Variants in ATP13A4 observed in about 807,000 individuals in gnomAD.
The protein encoded by ATP13A4 is ATPase 13A4.
ATP13A4 carries 114 observed loss-of-function variants against 142.5 expected under a neutral mutation model. That is an observed-to-expected ratio of 0.80 (90% CI 0.69 to 0.93). The LOEUF is 0.93. Ranked by LOEUF, ATP13A4 falls within the 40% of genes least tolerant of loss-of-function variation. The pLI, the probability that ATP13A4 is intolerant of heterozygous loss-of-function variation, is 0.00. For missense variants in ATP13A4, 1,392 were observed against 1,454.0 expected (o/e 0.96, Z 0.69); for synonymous variants, 488 against 514.8 (o/e 0.95, Z 0.70).
intron 7 of ATP13A4, 88 bp from the exon 8 acceptor site, chr3:193,484,093 A>T: frequency 3.6e-6 from 4 of 1,120,852 alleles, no homozygotes; most frequent in Non-Finnish European, 5.4e-6. Flanking sequence ...TTAAAGATAG[A>T]GCACTGTCTT....
Position 193,514,849 on chromosome 3 carries a change from T to G in ATP13A4, c.83A>C (p.Gln28Pro). The G allele has an allele frequency of 6.2e-7, 1 of 1,614,178 alleles. No individual in the cohort carries two copies. Among genetic ancestry groups the G allele is most frequent in the Non-Finnish European group, 8.5e-7 (1 of 1,180,014 alleles). ...NEMEIFGYRT[Q>P]GCRKSLCLAG... The stretch of plus-strand genomic sequence containing the variant: ...AAGGCAGAGACTTTTCCGGCAGCCT[T>G]GAGTCCGATAGCCAAATATCTCCTG... Residue 28 changes from glutamine to proline, a missense_variant, in exon 2 of 30, where the codon CAA becomes CCA. Coordinates refer to ENST00000342695, the MANE Select transcript of ATP13A4 (RefSeq NM_032279.4).
chr3:193,438,969 G>A, intron 22 of ATP13A4, 54 bp downstream of exon 22: 1 of 1,522,898 alleles, frequency 6.6e-7, no homozygotes, highest in Non-Finnish European at 9.1e-7. Context: ...ACTCTAAAGG[G>A]CTTAAGTGTA....
intron 1 of ATP13A4, among the ~76,000 whole-genome samples, chr3:193,521,048 C>T (rs990895928): frequency 5.3e-5 from 8 of 152,252 alleles, no homozygotes; most frequent in Admixed American, 2.6e-4. Context: ...ACCAAGGCAA[C>T]GATCGTAAAA....
rs373301519 is a variant in ATP13A4, at chr3:193,403,740, T to C, written c.3379-876A>G. ...TATAATTCATGAGAGGTTATCATAT[T>C]AATTTTCCACTTTTATCATGTTTGC... On this transcript the variant is annotated intron_variant, in intron 29 of 29. Coordinates refer to ENST00000342695, the MANE Select transcript of ATP13A4 (RefSeq NM_032279.4). 70 of 981,422 alleles carry C rather than the reference T, an allele frequency of 7.1e-5. No homozygotes were observed. In the East Asian group the frequency reaches 2.5e-3, roughly 35 times the overall value. 60.8% of individuals were successfully genotyped at this position (981,422 alleles called of 1,614,324 possible).
chr3:193,581,015 A>G (rs951314927), intron 2 of ATP13A4, among the ~76,000 whole-genome samples: 1 of 152,210 alleles, frequency 6.6e-6, no homozygotes, highest in African/African-American at 2.4e-5. Flanking sequence ...CATTACTATC[A>G]ATCCTATCTA....
At chr3:193,464,074 T>C (rs1718120197) in intron 12 of ATP13A4, among the ~76,000 whole-genome samples, 1 of 152,370 alleles carries the variant, frequency 6.6e-6, no homozygotes, top group African/African-American at 2.4e-5. Context: ...TTTTATGTTA[T>C]GTGTATTTTA....
At chr3:193,541,354 TTATC>T (rs1266298865) in intron 1 of ATP13A4, among the ~76,000 whole-genome samples, 2 of 90,148 alleles carry the variant, frequency 2.2e-5, no homozygotes, top group East Asian at 2.2e-4. Flanking sequence ...TGATCACAGA[TTATC>T]TATCTGTGAT....
chr3:193,431,065 A>G (rs1255338155), intron 25 of ATP13A4, among the ~76,000 whole-genome samples: 1 of 152,060 alleles, frequency 6.6e-6, no homozygotes, highest in Non-Finnish European at 1.5e-5. Flanking sequence ...TTTCAAATGT[A>G]TAGGATGTGA....
chr3:193,455,724 T>C (rs1002017159), intron 16 of ATP13A4, among the ~76,000 whole-genome samples: 3 of 152,200 alleles, frequency 2.0e-5, no homozygotes, highest in African/African-American at 7.2e-5. Context: ...ATTATAAAGA[T>C]GCACATGCAT....
At chr3:193,407,283 A>G in intron 29 of ATP13A4, 30 bp downstream of exon 29, 4 of 1,573,410 alleles carry the variant, frequency 2.5e-6, no homozygotes, top group Non-Finnish European at 3.5e-6. Flanking sequence ...CACACACACA[A>G]GATCAGCAGC....
intron 1 of ATP13A4, among the ~76,000 whole-genome samples, chr3:193,591,379 A>G (rs1256592411): frequency 1.3e-5 from 2 of 152,222 alleles, no homozygotes; most frequent in Non-Finnish European, 2.9e-5. Flanking sequence ...AACACTGTCT[A>G]AACCAAACAA....
At chr3:193,421,916 G>C (rs1308977819) in intron 25 of ATP13A4, among the ~76,000 whole-genome samples, 1 of 149,750 alleles carries the variant, frequency 6.7e-6, no homozygotes, top group Non-Finnish European at 1.5e-5. Context: ...AAATAACAAA[G>C]TGGCAATAGT....
At chr3:193,532,214 C>T (rs1577057847) in intron 1 of ATP13A4, among the ~76,000 whole-genome samples, 1 of 152,070 alleles carries the variant, frequency 6.6e-6, no homozygotes, top group Admixed American at 6.6e-5. Flanking sequence ...ACTATTCATA[C>T]AGATAATGCT....
Position 193,400,718 on chromosome 3 carries a change from TG to T in ATP13A4, c.*1933del, listed in dbSNP as rs3832194. ...CTTCCTTGTTCAGTCATGGGACAAT[TG>T]GTACCATTCAGGTGAGTTAGTGGAG... On this transcript the variant is annotated 3_prime_UTR_variant, in exon 30 of 30. Coordinates refer to ENST00000342695, the MANE Select transcript of ATP13A4 (RefSeq NM_032279.4). 0.89 allele frequency among the ~76,000 whole-genome samples: 135,255 copies of T among 152,172 alleles called. 60,160 individuals carry two copies. The highest frequency in any genetic ancestry group is 0.92 in the Middle Eastern group (271 of 294).
intron 25 of ATP13A4, among the ~76,000 whole-genome samples, chr3:193,420,668 A>T: frequency 6.7e-6 from 1 of 149,772 alleles, no homozygotes; most frequent in Non-Finnish European, 1.5e-5. Context: ...TTAGGAGAAG[A>T]GTTTAAAGAA....
At chr3:193,585,501 T>TG (rs397875805) in intron 1 of ATP13A4, among the ~76,000 whole-genome samples, 3 of 151,830 alleles carry the variant, frequency 2.0e-5, no homozygotes. Flanking sequence ...ATTTTTTTTT[T>TG]GTAGCTCATC....
At chr3:193,445,335 C>T (rs1716883941) in intron 18 of ATP13A4, among the ~76,000 whole-genome samples, 1 of 151,994 alleles carries the variant, frequency 6.6e-6, no homozygotes, top group South Asian at 2.1e-4. Flanking sequence ...ACTTGGGAGG[C>T]TGAGGCAGGA....
intron 7 of ATP13A4, among the ~76,000 whole-genome samples, chr3:193,485,633 G>T (rs907037872): frequency 8.5e-5 from 13 of 152,148 alleles, no homozygotes; most frequent in African/African-American, 3.1e-4. Context: ...TTAAAAGACT[G>T]CCACAGTCTG....
chr3:193,457,115 T>C lies in ATP13A4; in HGVS notation c.1800A>G (p.Pro600=), dbSNP rs369982224. 249 of 1,613,432 alleles carry C rather than the reference T, an allele frequency of 1.5e-4. No homozygotes were observed. Among genetic ancestry groups the C allele is most frequent in the Non-Finnish European group, 1.9e-4 (226 of 1,180,046 alleles). ...VEGIAILHQF[P]FSSALQRMTV... ...TCATTCTTTGCAGTGCCGATGAGAA[T>C]GGGAACTGATGCAGGATTGCAATTC... The change falls in exon 16 of 30, where the codon CCA becomes CCG. Residue 600 remains proline, a synonymous_variant. Coordinates refer to ENST00000342695, the MANE Select transcript of ATP13A4 (RefSeq NM_032279.4).
Sources: gnomAD v4.1 joint callset for allele counts (sites outside exome capture counted in the v4.1 genomes callset) on GRCh38, gnomAD v4.1.1 for gene constraint, MANE v1.5 for transcripts, NCBI Gene and HGNC (gene_info 2026-07-23, HGNC 2026-07-21) for gene names.